FMN1: variants seen among roughly 807,000 people sequenced by gnomAD.
FMN1 encodes formin 1.
Under a neutral mutation model 132.4 loss-of-function variants are expected in FMN1, and 110 were observed. That is an observed-to-expected ratio of 0.83 (90% CI 0.71 to 0.97). FMN1 has a LOEUF of 0.97. FMN1 is among the 50% of genes least tolerant of loss of function. FMN1 has a pLI of 0.00. For missense variants in FMN1, 1,792 were observed against 1,705.3 expected (o/e 1.05, Z -0.90); for synonymous variants, 722 against 651.7 (o/e 1.11, Z -1.64).
At chr15:32,854,692 C>A (rs1052908675) in intron 17 of FMN1, among the ~76,000 whole-genome samples, 9 of 152,086 alleles carry the variant, frequency 5.9e-5, no homozygotes, top group African/African-American at 2.2e-4. Flanking sequence ...GCGGGTGGAT[C>A]GCCTGAGGTC....
intron 16 of FMN1, among the ~76,000 whole-genome samples, chr15:32,859,058 AG>A (rs1040562044): frequency 6.6e-6 from 1 of 152,220 alleles, no homozygotes; most frequent in African/African-American, 2.4e-5. Flanking sequence ...AGCAGATGGA[AG>A]GGTAAAGGAG....
chr15:32,906,126 G>A (rs891196764), intron 12 of FMN1, among the ~76,000 whole-genome samples: 20 of 152,134 alleles, frequency 1.3e-4, no homozygotes, highest in Admixed American at 3.3e-4. Flanking sequence ...ACAATAATTA[G>A]GACAGTAGCA....
chr15:33,068,049 G>A (rs1028072186), intron 5 of FMN1: 1 of 1,430,488 alleles, frequency 7.0e-7, no homozygotes, highest in African/African-American at 1.4e-5. Flanking sequence ...TCGGGTCACA[G>A]TGCCCTCCTT....
chr15:32,932,683 C>G (rs983643787), intron 9 of FMN1, among the ~76,000 whole-genome samples: 2 of 152,128 alleles, frequency 1.3e-5, no homozygotes, highest in African/African-American at 4.8e-5. Context: ...TTACTTGTTA[C>G]AGGTCTGTTC....
chr15:33,014,060 G>A (rs2034894209), intron 6 of FMN1, among the ~76,000 whole-genome samples: 1 of 152,232 alleles, frequency 6.6e-6, no homozygotes, highest in East Asian at 1.9e-4. Flanking sequence ...CCAGTGTGAC[G>A]GGTGGCAGGA....
intron 17 of FMN1, among the ~76,000 whole-genome samples, chr15:32,847,916 G>A (rs962325040): frequency 5.9e-5 from 9 of 152,136 alleles, no homozygotes. Flanking sequence ...CCACGGAAGA[G>A]GTCAGATCCT....
At chr15:33,005,848 A>G (rs953649060) in intron 7 of FMN1, among the ~76,000 whole-genome samples, 11 of 152,308 alleles carry the variant, frequency 7.2e-5, no homozygotes, top group African/African-American at 2.6e-4. Context: ...CATCAGAACA[A>G]AGAAAAAGAA....
chr15:32,874,793 C>A (rs964325769), intron 16 of FMN1, among the ~76,000 whole-genome samples: 1 of 152,156 alleles, frequency 6.6e-6, no homozygotes, highest in South Asian at 2.1e-4. Flanking sequence ...ATTTGCTGAA[C>A]AAATTAATTG....
chr15:32,992,597 C>T (rs1052958962), intron 7 of FMN1, among the ~76,000 whole-genome samples: 5 of 151,990 alleles, frequency 3.3e-5, no homozygotes, highest in East Asian at 1.9e-4. Flanking sequence ...AGAAAATGTT[C>T]GATAAGACAT....
intron 10 of FMN1, among the ~76,000 whole-genome samples, chr15:32,918,936 A>G (rs901157911): frequency 2.0e-5 from 3 of 152,224 alleles, no homozygotes; most frequent in African/African-American, 7.2e-5. Flanking sequence ...CACAGCAGGA[A>G]GGAGGAAAAG....
At position 32,980,334 on chromosome 15, in the gene FMN1, T is replaced by C. The variant is rs2032554928; in HGVS notation, c.2224-10857A>G. On this transcript the variant is annotated intron_variant, in intron 7 of 20. Coordinates refer to ENST00000616417, the MANE Select transcript of FMN1 (RefSeq NM_001277313.2). ...AAAAAAAAAAAACAAAAACCTAAAA[T>C]AGGGTCACAGCACTTGGCTTTAGCT... is the stretch of plus-strand genomic sequence containing the variant. 1.3e-5 allele frequency among the ~76,000 whole-genome samples: 2 copies of C among 151,482 alleles called. 1 individual carries two copies. The highest frequency in any genetic ancestry group is 1.3e-4 in the Admixed American group (2 of 15,210).
rs1481503450 is a variant in FMN1 at position 32,765,684 on chromosome 15, A to C, written c.*8626T>G. On this transcript the variant is annotated 3_prime_UTR_variant, in exon 21 of 21. Coordinates refer to ENST00000616417, the MANE Select transcript of FMN1 (RefSeq NM_001277313.2). ...GGTATCAACAGATTAGGATAAATAT[A>C]ATCTATCACAGAGATAGAATTTTTT... 1 of 152,228 alleles carries C rather than the reference A, an allele frequency of 6.6e-6. No individual in the cohort carries two copies. Among genetic ancestry groups the C allele is most frequent in the Non-Finnish European group, 1.5e-5 (1 of 68,038 alleles). The allele number at this position is 152,228 out of a possible 1,614,324, so 9.4% of individuals were successfully genotyped here. A position where few individuals can be genotyped will look rare whatever the true frequency, so the allele number is the denominator to read the frequency against.
Position 33,154,799 on chromosome 15 carries a change from G to C in FMN1, c.116C>G (p.Thr39Ser), listed in dbSNP as rs1964605892. 6.5e-7 allele frequency: 1 copy of C among 1,536,194 alleles called. No homozygotes were observed. Among genetic ancestry groups the C allele is most frequent in the Non-Finnish European group, 8.7e-7 (1 of 1,146,924 alleles). ...AAAACCTTTATTGGATCTGTCTAGAGTTACAGTGCCCTTGTATGAAAATCC... is the reference window on the plus strand; with the variant it reads ...AAAACCTTTATTGGATCTGTCTAGACTTACAGTGCCCTTGTATGAAAATCC... ...VRGFSYKGTVTLDRSNKGFHN... is the reference protein window; with the variant it reads ...VRGFSYKGTVSLDRSNKGFHN... Residue 39 changes from threonine to serine, a missense_variant, in exon 4 of 21, where the codon ACT (threonine) becomes AGT (serine). Transcript: ENST00000616417.
At chr15:33,034,240 A>G (rs949310155) in intron 6 of FMN1, among the ~76,000 whole-genome samples, 3 of 151,986 alleles carry the variant, frequency 2.0e-5, no homozygotes, top group African/African-American at 7.3e-5. Context: ...TTCCCCCTAA[A>G]CATGCTCCAC....
intron 4 of FMN1, among the ~76,000 whole-genome samples, chr15:33,143,334 T>C (rs1566949706): frequency 6.6e-6 from 1 of 152,110 alleles, no homozygotes; most frequent in Non-Finnish European, 1.5e-5. Flanking sequence ...ATAGGAAAAA[T>C]GTGAAAAATG....
chr15:32,986,530 A>AT (rs1311596417), intron 7 of FMN1, among the ~76,000 whole-genome samples: 4 of 152,142 alleles, frequency 2.6e-5, no homozygotes, highest in African/African-American at 9.6e-5. Flanking sequence ...TAAATCTCCC[A>AT]TCTAGGTTTA....
At chr15:32,863,057 T>C (rs2059310025) in intron 16 of FMN1, among the ~76,000 whole-genome samples, 1 of 152,204 alleles carries the variant, frequency 6.6e-6, no homozygotes, top group African/African-American at 2.4e-5. Flanking sequence ...ATTATATCAA[T>C]GGGGCTTAGA....
intron 6 of FMN1, among the ~76,000 whole-genome samples, chr15:33,008,838 C>T (rs532154546): frequency 3.1e-4 from 47 of 152,160 alleles, no homozygotes; most frequent in South Asian, 2.7e-3. Flanking sequence ...CAGAGAACCA[C>T]AAGACAAAAA....
At chr15:32,852,761 A>G (rs2059037973) in intron 17 of FMN1, among the ~76,000 whole-genome samples, 1 of 152,236 alleles carries the variant, frequency 6.6e-6, no homozygotes, top group Non-Finnish European at 1.5e-5. Flanking sequence ...ATAATTGCAC[A>G]AACCAAAACA....
Sources: allele counts gnomAD v4.1 joint callset (sites outside exome capture counted in the v4.1 genomes callset), GRCh38; gene constraint gnomAD v4.1.1; transcripts MANE v1.5; gene names NCBI Gene and HGNC (gene_info 2026-07-23, HGNC 2026-07-21).